TMEM39A: variants seen among roughly 807,000 people sequenced by gnomAD.
The protein encoded by TMEM39A is transmembrane protein 39A.
Under a neutral mutation model 51.9 loss-of-function variants are expected in TMEM39A, and 19 were observed. The ratio of observed to expected loss-of-function variants is 0.37; its 90% CI spans 0.26 to 0.54. The LOEUF is 0.54. Ranked by LOEUF, TMEM39A falls within the 20% of genes least tolerant of loss-of-function variation. The pLI, the probability that TMEM39A is intolerant of heterozygous loss-of-function variation, is 0.88. For synonymous variants in TMEM39A, 197 were observed against 220.2 expected (o/e 0.89, Z 0.93); for missense variants, 433 against 590.5 (o/e 0.73, Z 2.76).
chr3:119,455,150 C>T (rs1162648128), intron 3 of TMEM39A, among the ~76,000 whole-genome samples: 4 of 152,104 alleles, frequency 2.6e-5, no homozygotes. Flanking sequence ...TAGAAGAAAA[C>T]TTAAAAGACA....
Position 119,439,350 on chromosome 3 carries a change from G to C in TMEM39A, c.576-1247C>G, listed in dbSNP as rs187692434. 4.3e-4 allele frequency among the ~76,000 whole-genome samples: 66 copies of C among 152,200 alleles called. 1 individual carries two copies. The highest frequency in any genetic ancestry group is 2.8e-4 in the Non-Finnish European group (19 of 68,000). The stretch of plus-strand genomic sequence containing the variant: ...AATCCCAGCACTTTGGGAGGCCAAG[G>C]CGAGCAGGTCACCTGAGGTCAGGAG... On this transcript the variant is annotated intron_variant, in intron 5 of 8. Transcript: ENST00000319172.
chr3:119,457,966 G>C, intron 3 of TMEM39A, 52 bp downstream of exon 3: 1 of 1,348,084 alleles, frequency 7.4e-7, no homozygotes, highest in Non-Finnish European at 1.0e-6. Flanking sequence ...GGCTTTCCAG[G>C]TAGTTTCTTG....
Position 119,439,784 on chromosome 3 carries a change from T to C in TMEM39A, c.576-1681A>G, listed in dbSNP as rs146686675. On this transcript the variant is annotated intron_variant, in intron 5 of 8. Transcript: ENST00000319172. ...AGTATTAATTCTAATTTTTTTTTTT[T>C]TGAGACAAGGTCTTACTCTGTCACC... 1.5e-3 allele frequency among the ~76,000 whole-genome samples: 224 copies of C among 152,100 alleles called. 7 individuals carry two copies. The East Asian group carries it at 0.032, about 21-fold the overall frequency.
At chr3:119,461,333 T>C (rs1353045188) in intron 2 of TMEM39A, among the ~76,000 whole-genome samples, 1 of 152,060 alleles carries the variant, frequency 6.6e-6, no homozygotes, top group East Asian at 1.9e-4. Context: ...AAAACAAAAG[T>C]GCATAAATAC....
In TMEM39A at chr3:119,463,589, T is replaced by A. The variant is rs1390352695; in HGVS notation, c.-328A>T. ...CCAGAGCCTGATACTTCAGCACCCA[T>A]CCCTAGCCTCCATTACCGCGGAGCT... On this transcript the variant is annotated 5_prime_UTR_variant, in exon 1 of 9. It removes an upstream start codon present in the reference 5' UTR. Coordinates refer to ENST00000319172, the MANE Select transcript of TMEM39A (RefSeq NM_018266.3). 2.5e-6 allele frequency: 1 copy of A among 398,714 alleles called. No individual in the cohort carries two copies. The highest frequency in any genetic ancestry group is 4.4e-6 in the Non-Finnish European group (1 of 226,122). The allele number at this position is 398,714 out of a possible 1,614,324, so 24.7% of individuals were successfully genotyped here. A position where few individuals can be genotyped will look rare whatever the true frequency, so the allele number is the denominator to read the frequency against.
Position 119,463,518 on chromosome 3 carries a change from A to AGACCCAGACTCC in TMEM39A, c.-269_-258dup, listed in dbSNP as rs2081367622. On this transcript the variant is annotated 5_prime_UTR_variant, in exon 1 of 9. Transcript: ENST00000319172. The stretch of plus-strand genomic sequence containing the variant: ...GTCCAGGCTTCGGGCTGCCAGACTC[A>AGACCCAGACTCC]GACCCAGACTCCGACGCAGTTCCAG... 2.5e-6 allele frequency: 1 copy of AGACCCAGACTCC among 398,784 alleles called. No individual in the cohort carries two copies. The highest frequency in any genetic ancestry group is 2.1e-5 in the African/African-American group (1 of 48,668). The allele number at this position is 398,784 out of a possible 1,614,324, so 24.7% of individuals were successfully genotyped here. A position where few individuals can be genotyped will look rare whatever the true frequency, so the allele number is the denominator to read the frequency against.
chr3:119,440,676 T>C (rs1400424978), intron 5 of TMEM39A, among the ~76,000 whole-genome samples: 2 of 152,194 alleles, frequency 1.3e-5, no homozygotes, highest in Non-Finnish European at 2.9e-5. Flanking sequence ...CATGTTGCTA[T>C]TGTCATAATC....
At chr3:119,434,637 A>G in intron 8 of TMEM39A, 125 bp downstream of exon 8, 1 of 1,368,178 alleles carries the variant, frequency 7.3e-7, no homozygotes, top group Non-Finnish European at 9.9e-7. Flanking sequence ...TTACGCTAGT[A>G]GCAATAATTA....
Position 119,431,900 on chromosome 3 carries a change from A to G in TMEM39A, c.*81T>C, listed in dbSNP as rs896418771. On this transcript the variant is annotated 3_prime_UTR_variant, in exon 9 of 9. Coordinates refer to ENST00000319172, the MANE Select transcript of TMEM39A (RefSeq NM_018266.3). ...GTATACAAAATATAAAATATCTTAA[A>G]TATTTATAAAAATCACAAGAAAAAA... The G allele has an allele frequency of 7.4e-6, 7 of 948,846 alleles. No individual in the cohort carries two copies. The African/African-American group carries it at 1.0e-4, about 14-fold the overall frequency. The allele number at this position is 948,846 out of a possible 1,614,324, so 58.8% of individuals were successfully genotyped here. A position where few individuals can be genotyped will look rare whatever the true frequency, so the allele number is the denominator to read the frequency against.
intron 5 of TMEM39A, among the ~76,000 whole-genome samples, chr3:119,439,455 C>T (rs1328730965): frequency 6.6e-6 from 1 of 151,796 alleles, no homozygotes; most frequent in African/African-American, 2.4e-5. Flanking sequence ...GTGGCGCGCA[C>T]CTGCAATCCC....
At chr3:119,446,175 G>A (rs887803857) in intron 5 of TMEM39A, among the ~76,000 whole-genome samples, 1 of 152,170 alleles carries the variant, frequency 6.6e-6, no homozygotes, top group African/African-American at 2.4e-5. Context: ...AGCAACCTCA[G>A]CATGATTTTT....
At chr3:119,442,846 G>C (rs1485879510) in intron 5 of TMEM39A, among the ~76,000 whole-genome samples, 2 of 152,116 alleles carry the variant, frequency 1.3e-5, no homozygotes, top group Non-Finnish European at 2.9e-5. Context: ...GATCACTTGA[G>C]CCTAGGAGTT....
rs951409098 is a variant in TMEM39A, at chr3:119,462,401, A to C, written c.-74-253T>G. On this transcript the variant is annotated intron_variant, in intron 1 of 8. Coordinates refer to ENST00000319172, the MANE Select transcript of TMEM39A (RefSeq NM_018266.3). ...TGTCTTTTGTCAACTGATTTGTATC[A>C]TCTGTAAGATATTATAATCAAATAG... Among the ~76,000 whole-genome samples the C allele has an allele frequency of 4.6e-5, 7 of 152,294 alleles. No individual in the cohort carries two copies. In the South Asian group the frequency reaches 6.2e-4, roughly 14 times the overall value.
intron 5 of TMEM39A, among the ~76,000 whole-genome samples, chr3:119,440,672 G>C (rs914035269): frequency 6.6e-6 from 1 of 152,104 alleles, no homozygotes; most frequent in Non-Finnish European, 1.5e-5. Flanking sequence ...TAAACATGTT[G>C]CTATTGTCAT....
Position 119,457,304 on chromosome 3 carries a change from G to C in TMEM39A, c.336+714C>G, listed in dbSNP as rs77780861. 8.0e-3 allele frequency among the ~76,000 whole-genome samples: 1,218 copies of C among 152,298 alleles called. 22 individuals are homozygous for C. Among genetic ancestry groups the C allele is most frequent in the South Asian group, 0.072 (345 of 4,824 alleles). On this transcript the variant is annotated intron_variant, in intron 3 of 8. Coordinates refer to ENST00000319172, the MANE Select transcript of TMEM39A (RefSeq NM_018266.3). ...ACTCTTAATAAATGGAAAGAGAACA[G>C]AAGAAACCTACAATATATTTTTATG... is the stretch of plus-strand genomic sequence containing the variant.
chr3:119,439,483 G>A (rs1167748766), intron 5 of TMEM39A, among the ~76,000 whole-genome samples: 3 of 151,150 alleles, frequency 2.0e-5, no homozygotes, highest in Admixed American at 2.0e-4. Context: ...CGGAGGCTGA[G>A]GCAGGAGAAT....
intron 7 of TMEM39A, chr3:119,436,526 G>A (rs991710335): frequency 3.2e-5 from 10 of 316,950 alleles, no homozygotes; most frequent in Non-Finnish European, 4.7e-5. Context: ...GAAAGAGAAC[G>A]CCAAGTGCAT....
intron 4 of TMEM39A, among the ~76,000 whole-genome samples, chr3:119,452,144 A>C (rs571036413): frequency 6.6e-6 from 1 of 152,338 alleles, no homozygotes; most frequent in South Asian, 2.1e-4. Flanking sequence ...ACTTCGTATT[A>C]ATAGTTACCT....
At chr3:119,443,128 C>T (rs1207586537) in intron 5 of TMEM39A, among the ~76,000 whole-genome samples, 1 of 145,630 alleles carries the variant, frequency 6.9e-6, no homozygotes, top group East Asian at 2.1e-4. Flanking sequence ...CACAATCAAA[C>T]TTAAACGGAT....
Sources: allele counts gnomAD v4.1 joint callset (sites outside exome capture counted in the v4.1 genomes callset), GRCh38; gene constraint gnomAD v4.1.1; transcripts MANE v1.5; gene names NCBI Gene and HGNC (gene_info 2026-07-23, HGNC 2026-07-21).